SH3PXD2A: variants seen among roughly 807,000 people sequenced by gnomAD.
SH3PXD2A encodes SH3 and PX domain-containing protein 2A.
A neutral mutation model predicts 115.2 loss-of-function variants in SH3PXD2A; 32 were observed. That is an observed-to-expected ratio of 0.28 (90% CI 0.21 to 0.37). The LOEUF (loss-of-function observed/expected upper bound fraction) is 0.37. SH3PXD2A is among the 10% of genes least tolerant of loss of function. The pLI is 1.00. For synonymous variants in SH3PXD2A, 610 were observed against 629.1 expected, an observed-to-expected ratio of 0.97 and a Z score of 0.45; for missense variants, 1,328 against 1,498.7, an observed-to-expected ratio of 0.89 and a Z score of 1.88.
intron 3 of SH3PXD2A, among the ~76,000 whole-genome samples, chr10:103,766,316 C>T (rs753935806): frequency 6.6e-5 from 10 of 152,192 alleles, no homozygotes; most frequent in East Asian, 5.8e-4. Flanking sequence ...TTCTGGGGAA[C>T]GGTAGGGGTT....
chr10:103,596,663 A>ACACACACACAGACACACTCTCTCT lies in SH3PXD2A; in HGVS notation c.*5152_*5153insAGAGAGAGTGTGTCTGTGTGTGTG. 8.0e-6 allele frequency: 1 copy of ACACACACACAGACACACTCTCTCT among 124,440 alleles called. No homozygotes were observed. Among genetic ancestry groups the ACACACACACAGACACACTCTCTCT allele is most frequent in the African/African-American group, 3.2e-5 (1 of 31,676 alleles). 7.7% of individuals were successfully genotyped at this position (124,440 alleles called of 1,614,324 possible). ...CACACACACACACACACACACACAC[A>ACACACACACAGACACACTCTCTCT]CTCTCTCTCTCTCTCTCTCTCTCAC... On this transcript the variant is annotated 3_prime_UTR_variant, in exon 15 of 15. Transcript: ENST00000369774.
intron 2 of SH3PXD2A, among the ~76,000 whole-genome samples, chr10:103,776,796 G>T (rs1454375416): frequency 6.6e-6 from 1 of 152,170 alleles, no homozygotes; most frequent in Non-Finnish European, 1.5e-5. Flanking sequence ...TAGATTAGGA[G>T]CCACCCTACT....
chr10:103,782,677 T>G (rs2038942080), intron 2 of SH3PXD2A, among the ~76,000 whole-genome samples: 1 of 147,358 alleles, frequency 6.8e-6, no homozygotes. Context: ...GGGAGGGAGG[T>G]GGGGAATGAC....
chr10:103,682,228 G>C (rs1234783909), intron 6 of SH3PXD2A, among the ~76,000 whole-genome samples: 1 of 152,194 alleles, frequency 6.6e-6, no homozygotes, highest in Non-Finnish European at 1.5e-5. Context: ...GCTCCGCCTT[G>C]CTCTGTGTGT....
At chr10:103,645,653 T>C (rs1458863392) in intron 8 of SH3PXD2A, among the ~76,000 whole-genome samples, 1 of 152,076 alleles carries the variant, frequency 6.6e-6, no homozygotes, top group East Asian at 1.9e-4. Context: ...CCTGGAGGAA[T>C]GCAGGGGGTG....
chr10:103,632,379 G>A (rs2036793399), intron 8 of SH3PXD2A, among the ~76,000 whole-genome samples: 2 of 152,212 alleles, frequency 1.3e-5, no homozygotes, highest in Non-Finnish European at 2.9e-5. Flanking sequence ...CTCCTCAGTG[G>A]TGCACCAGTG....
chr10:103,601,830 C>T lies in SH3PXD2A; in HGVS notation c.3388G>A (p.Glu1130Lys). 1 of 1,603,096 alleles carries T rather than the reference C, an allele frequency of 6.2e-7. No homozygotes were observed. Among genetic ancestry groups the T allele is most frequent in the Non-Finnish European group, 8.5e-7 (1 of 1,174,700 alleles). ...FKGWVPSNYL[E>K]KKN Reference sequence around the variant, plus strand: ...CAGGCCCTCTGCTAGTTCTTTTTCTCAAGGTAGTTGGAAGGCACCCAGCCT... The same window carrying T: ...CAGGCCCTCTGCTAGTTCTTTTTCTTAAGGTAGTTGGAAGGCACCCAGCCT... The change falls in exon 15 of 15, where the codon GAG becomes AAG. Residue 1130 changes from glutamate (E) to lysine (K), a missense_variant. Transcript: ENST00000369774.
intron 10 of SH3PXD2A, among the ~76,000 whole-genome samples, chr10:103,617,857 G>A (rs1243025502): frequency 6.6e-6 from 1 of 152,184 alleles, no homozygotes; most frequent in Non-Finnish European, 1.5e-5. Flanking sequence ...CCTCCTCGGT[G>A]AAGCCTTCCC....
At chr10:103,835,547 C>A (rs914454349) in intron 1 of SH3PXD2A, among the ~76,000 whole-genome samples, 2 of 152,232 alleles carry the variant, frequency 1.3e-5, no homozygotes, top group African/African-American at 4.8e-5. Flanking sequence ...AACAGGTTGA[C>A]AGATGCTCAC....
chr10:103,693,084 A>C, intron 5 of SH3PXD2A, 28 bp from the exon 6 acceptor site: 2 of 1,608,946 alleles, frequency 1.2e-6, no homozygotes, highest in Non-Finnish European at 1.7e-6. Context: ...ACAGATAGAC[A>C]TGGTTAGGGC....
intron 8 of SH3PXD2A, among the ~76,000 whole-genome samples, chr10:103,654,775 A>C (rs963800551): frequency 2.0e-5 from 3 of 152,064 alleles, no homozygotes; most frequent in African/African-American, 7.2e-5. Context: ...AATTATCCCC[A>C]TTTTACAGGT....
chr10:103,652,452 T>C (rs1400514187), intron 8 of SH3PXD2A, among the ~76,000 whole-genome samples: 7 of 152,126 alleles, frequency 4.6e-5, no homozygotes, highest in African/African-American at 1.7e-4. Context: ...TCTGAAAAGA[T>C]GCTGAGAGGG....
chr10:103,783,892 G>A (rs867419441), intron 2 of SH3PXD2A, among the ~76,000 whole-genome samples: 8 of 152,230 alleles, frequency 5.3e-5, no homozygotes, highest in African/African-American at 1.7e-4. Flanking sequence ...CGAGCCGCCC[G>A]GGGCAGCCTG....
At chr10:103,837,518 A>G (rs1011869437) in intron 1 of SH3PXD2A, among the ~76,000 whole-genome samples, 1 of 152,180 alleles carries the variant, frequency 6.6e-6, no homozygotes, top group Non-Finnish European at 1.5e-5. Context: ...ACTTGGGCAG[A>G]GCAAGCTTCC....
At chr10:103,668,525 C>T (rs531405332) in intron 7 of SH3PXD2A, 83 bp downstream of exon 7, 116 of 1,205,898 alleles carry the variant, frequency 9.6e-5, no homozygotes, top group Non-Finnish European at 1.3e-4. Context: ...GGGAAGCATG[C>T]GCAGGGCCTG....
chr10:103,762,778 C>T (rs2038714475), intron 3 of SH3PXD2A, among the ~76,000 whole-genome samples: 1 of 152,174 alleles, frequency 6.6e-6, no homozygotes. Context: ...CTCTTACGGG[C>T]AGTTCCCCTA....
chr10:103,743,665 C>G (rs2038468504), intron 3 of SH3PXD2A, among the ~76,000 whole-genome samples: 1 of 152,158 alleles, frequency 6.6e-6, no homozygotes, highest in Non-Finnish European at 1.5e-5. Context: ...GCCACTGCAC[C>G]TGGCCCAGGC....
chr10:103,842,862 T>C (rs903008818), intron 1 of SH3PXD2A, among the ~76,000 whole-genome samples: 1 of 152,234 alleles, frequency 6.6e-6, no homozygotes, highest in Non-Finnish European at 1.5e-5. Context: ...AATGAAACAA[T>C]GAATGAATGA....
intron 4 of SH3PXD2A, among the ~76,000 whole-genome samples, chr10:103,734,692 T>C (rs901606175): frequency 6.6e-6 from 1 of 152,206 alleles, no homozygotes; most frequent in African/African-American, 2.4e-5. Flanking sequence ...GAGGTTACAG[T>C]GAGCCAAGAT....
Sources: allele counts gnomAD v4.1 joint callset (sites outside exome capture counted in the v4.1 genomes callset), GRCh38; gene constraint gnomAD v4.1.1; transcripts MANE v1.5; gene names NCBI Gene and HGNC (gene_info 2026-07-23, HGNC 2026-07-21).